Variants in BAZ2B observed in about 807,000 individuals in gnomAD.
BAZ2B encodes bromodomain adjacent to zinc finger domain protein 2B.
A neutral mutation model predicts 246.0 loss-of-function variants in BAZ2B; 91 were observed. The ratio of observed to expected loss-of-function variants is 0.37; its 90% confidence interval spans 0.31 to 0.44. The LOEUF (loss-of-function observed/expected upper bound fraction) is 0.44, where lower values mean the gene tolerates loss of function less well. Among genes scored for constraint, BAZ2B ranks in the 20% least tolerant of loss-of-function variants. The pLI is 1.00. For synonymous variants in BAZ2B, 855 were observed against 860.0 expected (o/e 0.99, Z 0.10); for missense variants, 2,332 against 2,533.7 (o/e 0.92, Z 1.71).
chr2:159,705,004 C>A, the BAZ2B span, among the ~76,000 whole-genome samples: 1 of 148,960 alleles, frequency 6.7e-6, no homozygotes, highest in Non-Finnish European at 1.5e-5. Context: ...CCTCGTCTGG[C>A]CTTTTTTGGT....
intron 1 of BAZ2B, among the ~76,000 whole-genome samples, chr2:159,583,479 A>C (rs1421665691): frequency 3.9e-5 from 6 of 152,242 alleles, no homozygotes; most frequent in African/African-American, 1.4e-4. Context: ...ACCGCTTATG[A>C]AACAGACTGC....
chr2:159,507,053 T>A (rs147426944), intron 2 of BAZ2B, among the ~76,000 whole-genome samples: 3 of 152,190 alleles, frequency 2.0e-5, no homozygotes, highest in Admixed American at 2.0e-4. Context: ...GTACTTCTAC[T>A]AAGTTATCTA....
intron 1 of BAZ2B, among the ~76,000 whole-genome samples, chr2:159,572,349 G>C (rs13426831): frequency 6.6e-6 from 1 of 152,134 alleles, no homozygotes; most frequent in African/African-American, 2.4e-5. Flanking sequence ...GTGAGTAACT[G>C]AGAGACCCTA....
intron 3 of BAZ2B, among the ~76,000 whole-genome samples, chr2:159,474,692 T>C (rs1001351163): frequency 2.0e-5 from 3 of 152,212 alleles, no homozygotes; most frequent in Non-Finnish European, 4.4e-5. Context: ...CAGTGGCTGG[T>C]ACTGGTTATT....
At chr2:159,374,506 G>C (rs2061208279) in intron 26 of BAZ2B, among the ~76,000 whole-genome samples, 185 bp downstream of exon 26, 2 of 152,072 alleles carry the variant, frequency 1.3e-5, no homozygotes, top group African/African-American at 2.4e-5. Context: ...AAGTTCAATT[G>C]TAAGAATGTT....
chr2:159,419,003 A>G (rs1169044917), intron 13 of BAZ2B, among the ~76,000 whole-genome samples: 1 of 152,238 alleles, frequency 6.6e-6, no homozygotes, highest in East Asian at 1.9e-4. Context: ...GTCATTTGGT[A>G]GATTGATCAT....
chr2:159,647,817 A>G, the BAZ2B span, among the ~76,000 whole-genome samples: 2 of 152,216 alleles, frequency 1.3e-5, no homozygotes, highest in Non-Finnish European at 2.9e-5. Context: ...TGATGTGTGG[A>G]CTGAAGAGCT....
the BAZ2B span, among the ~76,000 whole-genome samples, chr2:159,687,993 T>C: frequency 6.6e-6 from 1 of 152,238 alleles, no homozygotes; most frequent in Non-Finnish European, 1.5e-5. Context: ...TTTTCTTTTA[T>C]CTACTTTTAC....
At chr2:159,494,961 A>G (rs998552279) in intron 2 of BAZ2B, among the ~76,000 whole-genome samples, 4 of 152,186 alleles carry the variant, frequency 2.6e-5, no homozygotes, top group Non-Finnish European at 5.9e-5. Flanking sequence ...CTAGTAAGAA[A>G]TTGAGCTAAG....
chr2:159,670,198 T>C, the BAZ2B span, among the ~76,000 whole-genome samples: 1 of 152,200 alleles, frequency 6.6e-6, no homozygotes, highest in Admixed American at 6.5e-5. Context: ...CTCAAACTCC[T>C]GACCTCAAGT....
chr2:159,413,631 C>A (rs564255480), intron 13 of BAZ2B, among the ~76,000 whole-genome samples: 1 of 152,220 alleles, frequency 6.6e-6, no homozygotes, highest in African/African-American at 2.4e-5. Context: ...TTGTTTGAAC[C>A]AGGGAGGTGG....
intron 27 of BAZ2B, among the ~76,000 whole-genome samples, chr2:159,370,530 C>G (rs2060731230): frequency 6.6e-6 from 1 of 151,806 alleles, no homozygotes; most frequent in Non-Finnish European, 1.5e-5. Flanking sequence ...GCCACCACGC[C>G]CGGCTAATGT....
intron 3 of BAZ2B, among the ~76,000 whole-genome samples, chr2:159,468,462 G>A (rs1205330674): frequency 6.6e-6 from 1 of 152,160 alleles, no homozygotes; most frequent in Admixed American, 6.5e-5. Flanking sequence ...GAAGTGGGAA[G>A]CCAAAAGAAT....
the BAZ2B span, among the ~76,000 whole-genome samples, chr2:159,635,547 T>C: frequency 6.6e-6 from 1 of 151,980 alleles, no homozygotes; most frequent in Non-Finnish European, 1.5e-5. Context: ...TCTTTTGAAA[T>C]GTATGATGAA....
chr2:159,579,551 G>T (rs1453062915), intron 1 of BAZ2B, among the ~76,000 whole-genome samples: 1 of 152,116 alleles, frequency 6.6e-6, no homozygotes, highest in Non-Finnish European at 1.5e-5. Flanking sequence ...TAGAAAAAGA[G>T]GGAATCCTCC....
chr2:159,325,088 T>TGA, intron 35 of BAZ2B, 134 bp from the exon 36 acceptor site: 1 of 1,892 alleles, frequency 5.3e-4, no homozygotes, highest in Non-Finnish European at 1.0e-3. Context: ...TATATATATA[T>TGA]ATATTATATA....
intron 13 of BAZ2B, among the ~76,000 whole-genome samples, chr2:159,424,762 T>TA (rs1469491362): frequency 3.9e-5 from 6 of 152,206 alleles, no homozygotes; most frequent in East Asian, 3.8e-4. Flanking sequence ...ATATAACCTA[T>TA]ACCTATACTC....
chr2:159,612,075 AAT>A (rs1016048292), intron 1 of BAZ2B, among the ~76,000 whole-genome samples: 36 of 152,022 alleles, frequency 2.4e-4, no homozygotes, highest in Non-Finnish European at 4.3e-4. Flanking sequence ...TAACAATAAA[AAT>A]ATAATTTCAT....
At chr2:159,625,295 G>A in the BAZ2B span, among the ~76,000 whole-genome samples, 1 of 151,954 alleles carries the variant, frequency 6.6e-6, no homozygotes, top group Non-Finnish European at 1.5e-5. Flanking sequence ...TAGCAAGACA[G>A]GCCAACATTC....
Sources: gnomAD v4.1 joint callset for allele counts (sites outside exome capture counted in the v4.1 genomes callset) on GRCh38, gnomAD v4.1.1 for gene constraint, MANE v1.5 for transcripts, NCBI Gene and HGNC (gene_info 2026-07-23, HGNC 2026-07-21) for gene names.